Variants in ZYG11A observed in about 807,000 individuals in gnomAD.
The protein encoded by ZYG11A is zyg-11 family member A, cell cycle regulator.
Under a neutral mutation model 77.2 loss-of-function variants are expected in ZYG11A, and 62 were observed. The observed-to-expected ratio is 0.80, with a 90% CI of 0.65 to 0.99. ZYG11A has a LOEUF of 0.99. Among genes scored for constraint, ZYG11A ranks in the 50% least tolerant of loss-of-function variants. ZYG11A has a pLI of 0.00. For synonymous variants in ZYG11A, 315 were observed against 324.6 expected, an observed-to-expected ratio of 0.97 and a Z score of 0.32; for missense variants, 828 against 896.8, an observed-to-expected ratio of 0.92 and a Z score of 0.98.
chr1:52,843,128 G>T (rs1307859652), intron 1 of ZYG11A, among the ~76,000 whole-genome samples, 155 bp downstream of exon 1: 1 of 152,138 alleles, frequency 6.6e-6, no homozygotes, highest in Non-Finnish European at 1.5e-5. Flanking sequence ...CCAGGCGCAG[G>T]CGTCGCTGCG....
At chr1:52,873,416 G>A (rs1646205320) in intron 8 of ZYG11A, among the ~76,000 whole-genome samples, 1 of 152,150 alleles carries the variant, frequency 6.6e-6, no homozygotes, top group South Asian at 2.1e-4. Flanking sequence ...TAACTTCGAG[G>A]GGTCCAATTC....
intron 4 of ZYG11A, among the ~76,000 whole-genome samples, chr1:52,862,342 C>T (rs1367169902): frequency 1.2e-4 from 18 of 145,090 alleles, no homozygotes; most frequent in African/African-American, 4.6e-4. Context: ...GACGGCGTCT[C>T]GCTCTGTCGC....
chr1:52,853,498 G>T (rs1356067238), intron 1 of ZYG11A, among the ~76,000 whole-genome samples: 2 of 152,160 alleles, frequency 1.3e-5, no homozygotes, highest in African/African-American at 4.8e-5. Context: ...GAAATTGTCA[G>T]ATTTCTTGTT....
intron 11 of ZYG11A, among the ~76,000 whole-genome samples, chr1:52,881,930 G>C (rs923115684): frequency 3.5e-5 from 5 of 143,078 alleles, no homozygotes; most frequent in Admixed American, 2.9e-4. Context: ...GACAGGGTCT[G>C]TCTCCCAGGG....
At chr1:52,868,785 C>CA (rs2150006709) in intron 8 of ZYG11A, among the ~76,000 whole-genome samples, 1 of 152,006 alleles carries the variant, frequency 6.6e-6, no homozygotes, top group East Asian at 1.9e-4. Context: ...AATTGTGTCT[C>CA]AAAAAACAAC....
rs772546300 is a variant in ZYG11A, at chr1:52,857,321, C to T, written c.580C>T (p.His194Tyr). The change falls in exon 3 of 14, where the codon CAT (histidine) becomes TAT (tyrosine). Residue 194 changes from histidine (H) to tyrosine (Y), a missense_variant. Physicochemically the swap from His to Tyr is moderately conservative, Grantham distance 83 (BLOSUM62 2). Coordinates refer to ENST00000371528, the MANE Select transcript of ZYG11A (RefSeq NM_001004339.3). ...TTTAAGTGTTTTTAATGTTTGTTTT[C>T]ATACTGAAGACCTGGCTAATGTTTC... Reference protein sequence around the residue: ...RILSVFNVCFHTEDLANVSQL... With the variant: ...RILSVFNVCFYTEDLANVSQL... 1.3e-6 allele frequency: 2 copies of T among 1,551,752 alleles called. No individual in the cohort carries two copies. Among genetic ancestry groups the T allele is most frequent in the East Asian group, 2.4e-5 (1 of 40,940 alleles).
chr1:52,851,476 C>T (rs1645709160), intron 1 of ZYG11A, among the ~76,000 whole-genome samples: 1 of 152,140 alleles, frequency 6.6e-6, no homozygotes, highest in Non-Finnish European at 1.5e-5. Flanking sequence ...GGGCTCACTA[C>T]AACCTCTGGC....
At chr1:52,890,928 C>T (rs532469154) in intron 13 of ZYG11A, among the ~76,000 whole-genome samples, 17 of 151,294 alleles carry the variant, frequency 1.1e-4, no homozygotes, top group African/African-American at 1.7e-4. Context: ...GAGACAGTTT[C>T]GCTCTTGTTG....
intron 13 of ZYG11A, 75 bp downstream of exon 13, chr1:52,887,128 G>T: frequency 1.3e-6 from 1 of 780,416 alleles, no homozygotes; most frequent in Non-Finnish European, 1.9e-6. Context: ...GTTCAAGATG[G>T]ATGTGCAAAA....
chr1:52,878,994 CTCAG>C (rs1004753532), intron 10 of ZYG11A, among the ~76,000 whole-genome samples: 4 of 137,240 alleles, frequency 2.9e-5, no homozygotes, highest in African/African-American at 1.1e-4. Flanking sequence ...AAAACTCAAA[CTCAG>C]TCAGTCTGGC....
intron 8 of ZYG11A, among the ~76,000 whole-genome samples, chr1:52,876,361 C>A (rs1646261200): frequency 6.6e-6 from 1 of 151,996 alleles, no homozygotes; most frequent in Non-Finnish European, 1.5e-5. Flanking sequence ...TAATATAATG[C>A]AGGAACATAT....
chr1:52,891,297 T>TAA (rs1646538404), intron 13 of ZYG11A, among the ~76,000 whole-genome samples: 1 of 151,876 alleles, frequency 6.6e-6, no homozygotes, highest in East Asian at 1.9e-4. Flanking sequence ...ATATTCCTAT[T>TAA]TTTTTTCTTC....
intron 1 of ZYG11A, among the ~76,000 whole-genome samples, chr1:52,847,863 TA>T (rs1439536904): frequency 0.096 from 9,660 of 101,046 alleles, 615 homozygotes; most frequent in African/African-American, 0.2. Flanking sequence ...TTTATTTATT[TA>T]TTTATTTATT....
Position 52,867,567 on chromosome 1 carries a change from TGG to T in ZYG11A, c.1421_1422del (p.Trp474SerfsTer3). ...RFDAAKFVMR[W>X]LCKHENPKMQ... ...TGATGCTGCCAAGTTTGTCATGAGA[TGG>T]CTCTGTAAGCATGAAAACCCCAAGA... On this transcript the variant is annotated frameshift_variant, in exon 7 of 14. Transcript: ENST00000371528. LOFTEE classifies it high-confidence loss of function. 1 of 1,552,248 alleles carries T rather than the reference TGG, an allele frequency of 6.4e-7. No individual in the cohort carries two copies. The highest frequency in any genetic ancestry group is 2.0e-5 in the Admixed American group (1 of 51,006).
chr1:52,867,378 G>T (rs182745390), intron 6 of ZYG11A, among the ~76,000 whole-genome samples, 161 bp from the exon 7 acceptor site: 2 of 152,052 alleles, frequency 1.3e-5, no homozygotes, highest in South Asian at 2.1e-4. Flanking sequence ...TCCCCTGCCT[G>T]GTCTTCTCTC....
At chr1:52,847,530 A>G (rs1645614427) in intron 1 of ZYG11A, among the ~76,000 whole-genome samples, 2 of 151,656 alleles carry the variant, frequency 1.3e-5, no homozygotes, top group South Asian at 4.2e-4. Flanking sequence ...TTTTTAGCTT[A>G]AAGAACTTTT....
At chr1:52,866,042 A>G (rs1646020439) in intron 5 of ZYG11A, among the ~76,000 whole-genome samples, 1 of 142,406 alleles carries the variant, frequency 7.0e-6, no homozygotes, top group South Asian at 2.2e-4. Flanking sequence ...GGTTCATGCC[A>G]TTCTCCTGCC....
At chr1:52,891,339 G>C (rs1200774280) in intron 13 of ZYG11A, among the ~76,000 whole-genome samples, 3 of 149,692 alleles carry the variant, frequency 2.0e-5, no homozygotes, top group Non-Finnish European at 4.5e-5. Flanking sequence ...GTCTTTATCT[G>C]ATCTTATTAT....
At chr1:52,869,104 G>C (rs1416407780) in intron 8 of ZYG11A, among the ~76,000 whole-genome samples, 9 of 152,116 alleles carry the variant, frequency 5.9e-5, no homozygotes, top group Admixed American at 1.3e-4. Flanking sequence ...TGGGATTACA[G>C]GAGTGAGCCA....
Sources: gnomAD v4.1 joint callset for allele counts (sites outside exome capture counted in the v4.1 genomes callset) on GRCh38, gnomAD v4.1.1 for gene constraint, MANE v1.5 for transcripts, NCBI Gene and HGNC (gene_info 2026-07-23, HGNC 2026-07-21) for gene names.